Variants in UFSP2 observed in about 807,000 individuals in gnomAD.
UFSP2 encodes ufm1-specific protease 2.
In UFSP2, 43 loss-of-function variants were observed where a neutral mutation model predicts 60.2. The observed-to-expected ratio is 0.71, with a 90% CI of 0.56 to 0.92. The LOEUF is 0.92. Ranked by LOEUF, UFSP2 falls within the 40% of genes least tolerant of loss-of-function variation. UFSP2 has a pLI of 0.00. For missense variants in UFSP2, 520 were observed against 575.0 expected (o/e 0.90, Z 0.98); for synonymous variants, 183 against 195.1 (o/e 0.94, Z 0.52).
intron 9 of UFSP2, chr4:185,406,303 AGAG>A (rs2095520351): frequency 5.1e-6 from 1 of 197,728 alleles, no homozygotes; most frequent in Non-Finnish European, 1.1e-5. Flanking sequence ...TCTACATAAC[AGAG>A]GAGAGTCTAG....
At chr4:185,413,237 A>C (rs2153285798) in intron 7 of UFSP2, among the ~76,000 whole-genome samples, 1 of 152,034 alleles carries the variant, frequency 6.6e-6, no homozygotes, top group East Asian at 1.9e-4. Context: ...AAAATACAAA[A>C]ATTAGCCAGG....
At chr4:185,412,169 T>C (rs2095530544) in intron 7 of UFSP2, among the ~76,000 whole-genome samples, 2 of 152,240 alleles carry the variant, frequency 1.3e-5, no homozygotes, top group Non-Finnish European at 2.9e-5. Flanking sequence ...TATTACATGA[T>C]AAATATGTAA....
chr4:185,420,212 C>T (rs1387313303), intron 2 of UFSP2, among the ~76,000 whole-genome samples: 3 of 152,040 alleles, frequency 2.0e-5, no homozygotes, highest in Non-Finnish European at 2.9e-5. Flanking sequence ...GGTTATGTCA[C>T]CAACATATTT....
intron 10 of UFSP2, among the ~76,000 whole-genome samples, 178 bp downstream of exon 10, chr4:185,405,602 T>C (rs1471570387): frequency 6.6e-6 from 1 of 152,260 alleles, no homozygotes; most frequent in Non-Finnish European, 1.5e-5. Context: ...TAATCTTTTT[T>C]GTAACCTTTA....
At position 185,415,872 on chromosome 4, in the gene UFSP2, A is replaced by G. The variant is rs1235406831; in HGVS notation, c.334-5T>C. 17 of 1,606,536 alleles carry G rather than the reference A, an allele frequency of 1.1e-5. No individual in the cohort carries two copies. Among genetic ancestry groups the G allele is most frequent in the Non-Finnish European group, 1.4e-5 (16 of 1,176,002 alleles). On this transcript the variant is annotated splice_region_variant and splice_polypyrimidine_tract_variant and intron_variant, in intron 4 of 11. Coordinates refer to ENST00000264689, the MANE Select transcript of UFSP2 (RefSeq NM_018359.5). ...ATCTATATTTACTATTTGATGCTAT[A>G]TAGATAAACAGTAATAGTCAACTTG...
chr4:185,416,606 ATG>A (rs1194883603), intron 4 of UFSP2, among the ~76,000 whole-genome samples: 1 of 151,842 alleles, frequency 6.6e-6, no homozygotes, highest in East Asian at 1.9e-4. Flanking sequence ...TGAACGTGTT[ATG>A]TGTGTGTGTG....
chr4:185,415,652 A>G, intron 5 of UFSP2, 58 bp downstream of exon 5: 1 of 1,463,108 alleles, frequency 6.8e-7, no homozygotes. Context: ...ATATACAAAC[A>G]TGGGTTTGGG....
At chr4:185,414,471 G>A (rs747766681) in intron 6 of UFSP2, among the ~76,000 whole-genome samples, 1 of 152,128 alleles carries the variant, frequency 6.6e-6, no homozygotes, top group African/African-American at 2.4e-5. Flanking sequence ...TTGTACTCCA[G>A]TGGTTTTAAA....
chr4:185,404,357 G>A (rs1234584743), intron 10 of UFSP2, among the ~76,000 whole-genome samples: 3 of 141,254 alleles, frequency 2.1e-5, no homozygotes, highest in African/African-American at 5.3e-5. Flanking sequence ...GTGCGATAGC[G>A]TGACCTCGGC....
rs1211982161 is a variant in UFSP2, at chr4:185,403,407, A to G, written c.1323+87T>C. On this transcript the variant is annotated intron_variant, in intron 11 of 11. Coordinates refer to ENST00000264689, the MANE Select transcript of UFSP2 (RefSeq NM_018359.5). Reference sequence around the variant, plus strand: ...ACAGGGAGATCTCTGCCCTCAGCTTATTGTCTTTCTGTTACCAGCCAGTTT... The same window carrying G: ...ACAGGGAGATCTCTGCCCTCAGCTTGTTGTCTTTCTGTTACCAGCCAGTTT... 5.2e-6 allele frequency: 8 copies of G among 1,525,840 alleles called. No individual in the cohort carries two copies. In the African/African-American group the frequency reaches 9.7e-5, roughly 18 times the overall value. 94.5% of individuals were successfully genotyped at this position (1,525,840 alleles called of 1,614,324 possible).
chr4:185,424,140 CAA>C (rs5864936), intron 1 of UFSP2, among the ~76,000 whole-genome samples: 216 of 135,174 alleles, frequency 1.6e-3, no homozygotes, highest in Admixed American at 1.4e-3. Context: ...CCATCTCTAC[CAA>C]AAAAAAAAAA....
chr4:185,408,921 CTT>C (rs767170151), intron 7 of UFSP2, among the ~76,000 whole-genome samples: 68 of 152,230 alleles, frequency 4.5e-4, no homozygotes, highest in South Asian at 1.0e-3. Context: ...TCTCTGTCCT[CTT>C]TATGTTTTTA....
intron 1 of UFSP2, among the ~76,000 whole-genome samples, chr4:185,425,552 C>T (rs189692706): frequency 6.6e-6 from 1 of 152,172 alleles, no homozygotes; most frequent in South Asian, 2.1e-4. Context: ...AAGAAAGTTG[C>T]GCCTGTCCCA....
At chr4:185,403,920 G>C (rs1416128888) in intron 10 of UFSP2, among the ~76,000 whole-genome samples, 1 of 131,662 alleles carries the variant, frequency 7.6e-6, no homozygotes, top group Non-Finnish European at 1.5e-5. Flanking sequence ...GCACTGAGCC[G>C]AGATCATGCC....
At chr4:185,406,228 C>T in intron 9 of UFSP2, 1 of 269,618 alleles carries the variant, frequency 3.7e-6, no homozygotes, top group Non-Finnish European at 7.4e-6. Flanking sequence ...TTCTTGCCTT[C>T]TTGCTGGTAG....
intron 4 of UFSP2, among the ~76,000 whole-genome samples, chr4:185,417,492 G>T (rs2095540754): frequency 6.6e-6 from 1 of 152,080 alleles, no homozygotes. Context: ...AGAATCCATT[G>T]TATCCCTAAA....
intron 4 of UFSP2, 94 bp downstream of exon 4, chr4:185,418,347 G>C (rs1487318520): frequency 1.0e-6 from 1 of 964,040 alleles, no homozygotes; most frequent in Non-Finnish European, 1.5e-6. Context: ...TCTGACCTAT[G>C]ATAAGAGGGT....
rs2289722 is a variant in UFSP2, at chr4:185,415,311, T to C, written c.528A>G (p.Gln176=). The change falls in exon 6 of 12, where the codon CAA becomes CAG. Residue 176 remains glutamine (Q), a synonymous_variant. Transcript: ENST00000264689. ...RKLLVDAIHN[Q]LTDMEKCILK... ...AAATACATTTTTCCATGTCAGTTAGTTGATTATGAATTGCATCAACCAGGA... is the reference window on the plus strand; with the variant it reads ...AAATACATTTTTCCATGTCAGTTAGCTGATTATGAATTGCATCAACCAGGA... 0.035 allele frequency: 56,307 copies of C among 1,598,700 alleles called. 1,126 individuals carry two copies. The highest frequency in any genetic ancestry group is 0.073 in the Middle Eastern group (442 of 6,014).
chr4:185,404,088 T>C (rs899152413), intron 10 of UFSP2, among the ~76,000 whole-genome samples: 2 of 151,882 alleles, frequency 1.3e-5, no homozygotes, highest in African/African-American at 4.8e-5. Flanking sequence ...AGGATAAAAT[T>C]ACATCTTTAA....
Sources: gnomAD v4.1 joint callset for allele counts (sites outside exome capture counted in the v4.1 genomes callset) on GRCh38, gnomAD v4.1.1 for gene constraint, MANE v1.5 for transcripts, NCBI Gene and HGNC (gene_info 2026-07-23, HGNC 2026-07-21) for gene names.